KCNQ1: variants seen among roughly 807,000 people sequenced by gnomAD.
The protein encoded by KCNQ1 is potassium voltage-gated channel subfamily Q member 1, also known as potassium voltage-gated channel subfamily KQT member 1.
Under a neutral mutation model 72.4 loss-of-function variants are expected in KCNQ1, and 49 were observed. That is an observed-to-expected ratio of 0.68 (90% CI 0.54 to 0.86). The LOEUF is 0.86. Ranked by LOEUF, KCNQ1 falls within the 40% of genes least tolerant of loss-of-function variation. The pLI, the probability that KCNQ1 is intolerant of heterozygous loss-of-function variation, is 0.00. For synonymous variants in KCNQ1, 450 were observed against 412.6 expected (o/e 1.09, Z -1.10); for missense variants, 790 against 945.1 (o/e 0.84, Z 2.15).
At chr11:2,643,288 G>T in intron 10 of KCNQ1, 1 of 398,340 alleles carries the variant, frequency 2.5e-6, no homozygotes, top group South Asian at 1.3e-4. Flanking sequence ...TTGTGTTGAA[G>T]TCTACCTTTC....
chr11:2,640,236 C>G, intron 10 of KCNQ1: 1 of 395,996 alleles, frequency 2.5e-6, no homozygotes, highest in African/African-American at 2.1e-5. Context: ...TCTTGACGAG[C>G]CCCAGTGAGA....
intron 15 of KCNQ1, among the ~76,000 whole-genome samples, chr11:2,821,124 CA>C (rs1847728126): frequency 6.6e-6 from 1 of 152,232 alleles, no homozygotes; most frequent in Non-Finnish European, 1.5e-5. Context: ...TTCGTCCCTG[CA>C]GGGTGGGGTG....
chr11:2,515,101 G>A lies in KCNQ1; in HGVS notation c.387-12827G>A, dbSNP rs534789611. On this transcript the variant is annotated intron_variant, in intron 1 of 15. Coordinates refer to ENST00000155840, the MANE Select transcript of KCNQ1 (RefSeq NM_000218.3). This position sits in a 1 kb window ranked among gnomAD's most constrained non-coding sequence, Gnocchi z 4.7. ...GTTACGTGCGTAATGGTGGGGTTTG[G>A]GCTTCTCGTGCGCCCATCAGCCGGA... 6.6e-6 allele frequency among the ~76,000 whole-genome samples: 1 copy of A among 152,232 alleles called. No individual in the cohort carries two copies. The highest frequency in any genetic ancestry group is 2.1e-4 in the South Asian group (1 of 4,812).
intron 10 of KCNQ1, chr11:2,631,615 C>A: frequency 2.5e-6 from 1 of 398,370 alleles, no homozygotes; most frequent in South Asian, 1.3e-4. Flanking sequence ...TTGTATTTCT[C>A]AGGTGGGTGC....
intron 11 of KCNQ1, among the ~76,000 whole-genome samples, chr11:2,707,682 T>C (rs1290495696): frequency 6.6e-6 from 1 of 152,230 alleles, no homozygotes; most frequent in African/African-American, 2.4e-5. Context: ...GAGGGCTTCA[T>C]CCACACTACC....
intron 10 of KCNQ1, chr11:2,641,220 T>C (rs1490187985): frequency 2.5e-6 from 1 of 398,382 alleles, no homozygotes; most frequent in Non-Finnish European, 4.4e-6. Flanking sequence ...TATTTCTCTT[T>C]TTAGGTTTTT....
chr11:2,589,850 T>A (rs112180245), intron 10 of KCNQ1, among the ~76,000 whole-genome samples: 5,275 of 152,238 alleles, frequency 0.035, 302 homozygotes, highest in African/African-American at 0.12. Context: ...ACGTGATGCA[T>A]CCGTCATCTC....
At chr11:2,618,527 T>G (rs1849108353) in intron 10 of KCNQ1, 1 of 398,490 alleles carries the variant, frequency 2.5e-6, no homozygotes, top group Non-Finnish European at 4.4e-6. Context: ...TGAATTTCTT[T>G]CTGGGCTCTC....
intron 1 of KCNQ1, among the ~76,000 whole-genome samples, chr11:2,480,045 T>A (rs1846629155): frequency 6.6e-6 from 1 of 152,148 alleles, no homozygotes; most frequent in African/African-American, 2.4e-5. Context: ...AAGTTTCTCA[T>A]CTCCATCTGA....
rs758468441 is a variant in KCNQ1 at position 2,679,189 on chromosome 11, C to G, written c.1514+17108C>G. The G allele has an allele frequency of 2.3e-4, 90 of 398,514 alleles. No individual in the cohort carries two copies. Among genetic ancestry groups the G allele is most frequent in the Non-Finnish European group, 3.1e-4 (69 of 226,106 alleles). 24.7% of individuals were successfully genotyped at this position (398,514 alleles called of 1,614,324 possible). A position where few individuals can be genotyped will look rare whatever the true frequency, so the allele number is the denominator to read the frequency against. Reference sequence around the variant, plus strand: ...AGTTTCCATGTCTGAGTTAGGCCACCTGTAACAATGCAGCCCCATCCATGT... The same window carrying G: ...AGTTTCCATGTCTGAGTTAGGCCACGTGTAACAATGCAGCCCCATCCATGT... On this transcript the variant is annotated intron_variant, in intron 11 of 15. Coordinates refer to ENST00000155840, the MANE Select transcript of KCNQ1 (RefSeq NM_000218.3). This position sits in a 1 kb window ranked among gnomAD's most constrained non-coding sequence, Gnocchi z 4.8.
chr11:2,567,715 C>T lies in KCNQ1; in HGVS notation c.478-2913C>T, dbSNP rs1848267057. 6.6e-6 allele frequency among the ~76,000 whole-genome samples: 1 copy of T among 152,230 alleles called. No individual in the cohort carries two copies. Among genetic ancestry groups the T allele is most frequent in the Non-Finnish European group, 1.5e-5 (1 of 68,038 alleles). On this transcript the variant is annotated intron_variant, in intron 2 of 15. Transcript: ENST00000155840. The surrounding 1 kb of genome is among the most constrained non-coding windows in gnomAD (Gnocchi z 6.6). ...CAGCCTTGCACTGCCTTCCCACATC[C>T]AGCTGGATTTGGGGATCAGTGTTGT...
At chr11:2,744,768 A>C (rs1846111304) in intron 11 of KCNQ1, among the ~76,000 whole-genome samples, 1 of 152,168 alleles carries the variant, frequency 6.6e-6, no homozygotes, top group Admixed American at 6.5e-5. Flanking sequence ...TCTTCTGTGA[A>C]ATTTATAATT....
In KCNQ1 at chr11:2,658,929, T is replaced by C. The variant is rs73417396; in HGVS notation, c.1394-3032T>C. ...CCCTATGTGAAGCAAATTTACCTAC[T>C]AGATTAGAGTGTTTAGGACAGACTT... On this transcript the variant is annotated intron_variant, in intron 10 of 15. Coordinates refer to ENST00000155840, the MANE Select transcript of KCNQ1 (RefSeq NM_000218.3). The surrounding 1 kb of genome is among the most constrained non-coding windows in gnomAD (Gnocchi z 4.9). 530 of 398,562 alleles carry C rather than the reference T, an allele frequency of 1.3e-3. 5 individuals carry two copies. Among genetic ancestry groups the C allele is most frequent in the African/African-American group, 9.9e-3 (484 of 48,718 alleles). 24.7% of individuals were successfully genotyped at this position (398,562 alleles called of 1,614,324 possible).
intron 11 of KCNQ1, among the ~76,000 whole-genome samples, chr11:2,765,126 G>A (rs1373794756): frequency 6.6e-6 from 1 of 152,106 alleles, no homozygotes; most frequent in African/African-American, 2.4e-5. Flanking sequence ...TTAAAGCCAC[G>A]AGGTTCACTG....
chr11:2,742,258 C>G (rs1022686326), intron 11 of KCNQ1, among the ~76,000 whole-genome samples: 23 of 152,232 alleles, frequency 1.5e-4, no homozygotes, highest in Non-Finnish European at 3.1e-4. Context: ...CCAGAATCAG[C>G]CTCTATGAGA....
intron 15 of KCNQ1, 102 bp downstream of exon 15, chr11:2,778,139 C>A: frequency 8.8e-7 from 1 of 1,140,112 alleles, no homozygotes. Flanking sequence ...TGCAGGCCTC[C>A]CCACCTTCCC....
chr11:2,780,320 C>T (rs1478026478), intron 15 of KCNQ1, among the ~76,000 whole-genome samples: 1 of 152,206 alleles, frequency 6.6e-6, no homozygotes, highest in African/African-American at 2.4e-5. Context: ...GAGTTTTCTC[C>T]GTTATCAGTG....
intron 2 of KCNQ1, among the ~76,000 whole-genome samples, chr11:2,561,200 CAAAAAAAAAAAAAAAGAAAA>C (rs1848160852): frequency 1.7e-5 from 1 of 58,872 alleles, no homozygotes; most frequent in South Asian, 5.7e-4. Flanking sequence ...GACTCCGTCT[CAAAAAAAAAAAAAAAGAAAA>C]AAAGAAAAAA....
chr11:2,763,079 C>T (rs1387796363), intron 11 of KCNQ1, among the ~76,000 whole-genome samples: 7 of 152,112 alleles, frequency 4.6e-5, no homozygotes, highest in African/African-American at 1.7e-4. Flanking sequence ...AACAAACAAA[C>T]AAAAAGCACT....
Sources: allele counts gnomAD v4.1 joint callset (sites outside exome capture counted in the v4.1 genomes callset), GRCh38; gene constraint gnomAD v4.1.1; non-coding constraint Gnocchi (gnomAD v3.1); transcripts MANE v1.5; gene names NCBI Gene and HGNC (gene_info 2026-07-23, HGNC 2026-07-21).